The following REEP3 variants were observed in gnomAD, a reference collection of about 807,000 sequenced individuals.
REEP3 encodes the protein receptor accessory protein 3, also known as receptor expression-enhancing protein 3.
A neutral mutation model predicts 41.3 loss-of-function variants in REEP3; 20 were observed. The ratio of observed to expected loss-of-function variants is 0.48; its 90% CI spans 0.34 to 0.70. REEP3 has a LOEUF of 0.70. Among genes scored for constraint, REEP3 ranks in the 30% least tolerant of loss-of-function variants. The pLI, the probability that REEP3 is intolerant of heterozygous loss-of-function variation, is 0.01. For synonymous variants in REEP3, 104 were observed against 101.8 expected (o/e 1.02, Z -0.13); for missense variants, 271 against 308.8 (o/e 0.88, Z 0.92).
intron 1 of REEP3, among the ~76,000 whole-genome samples, chr10:63,532,313 T>C (rs1372792274): frequency 1.3e-5 from 2 of 152,226 alleles, no homozygotes; most frequent in Admixed American, 6.5e-5. Flanking sequence ...TATTCAGATA[T>C]ATTAATACCG....
At position 63,521,434 on chromosome 10, in the gene REEP3, C is replaced by G. The variant is rs1342700540; in HGVS notation, c.-112C>G. 1 of 484,296 alleles carries G rather than the reference C, an allele frequency of 2.1e-6. No individual in the cohort carries two copies. The highest frequency in any genetic ancestry group is 2.9e-6 in the Non-Finnish European group (1 of 347,132). The allele number at this position is 484,296 out of a possible 1,614,324, so 30.0% of individuals were successfully genotyped here. A position where few individuals can be genotyped will look rare whatever the true frequency, so the allele number is the denominator to read the frequency against. The stretch of plus-strand genomic sequence containing the variant: ...GGCCCGGCTCCTGAGGGCGCCAGCG[C>G]GGCCCCGGGGAGCGCGAGGAGCCGG... On this transcript the variant is annotated 5_prime_UTR_variant, in exon 1 of 8. Transcript: ENST00000373758.
rs148225230 is a variant in REEP3 at position 63,557,054 on chromosome 10, A to G, written c.33-9284A>G. 4.0e-3 allele frequency among the ~76,000 whole-genome samples: 605 copies of G among 152,248 alleles called. 1 individual carries two copies. Among genetic ancestry groups the G allele is most frequent in the African/African-American group, 0.011 (460 of 41,558 alleles). On this transcript the variant is annotated intron_variant, in intron 1 of 7. Coordinates refer to ENST00000373758, the MANE Select transcript of REEP3 (RefSeq NM_001001330.3). The stretch of plus-strand genomic sequence containing the variant: ...ATGTATAGTGTTCCATTGTCCTCCC[A>G]ATAAAAACATACTATAGTTTCCCTT...
chr10:63,586,061 T>G (rs2133394042), intron 2 of REEP3, among the ~76,000 whole-genome samples: 1 of 152,354 alleles, frequency 6.6e-6, no homozygotes, highest in East Asian at 1.9e-4. Flanking sequence ...TAACTCTTCA[T>G]TTGGCATTAG....
intron 1 of REEP3, among the ~76,000 whole-genome samples, chr10:63,545,680 G>GTTTTCTTTT (rs1955571207): frequency 1.8e-5 from 1 of 55,412 alleles, no homozygotes; most frequent in Non-Finnish European, 3.2e-5. Flanking sequence ...GCCAACTTCT[G>GTTTTCTTTT]TTTTTTTTTT....
At chr10:63,530,688 T>C (rs1194132248) in intron 1 of REEP3, among the ~76,000 whole-genome samples, 4 of 152,200 alleles carry the variant, frequency 2.6e-5, no homozygotes, top group African/African-American at 9.6e-5. Context: ...GCTATTTCTT[T>C]TTCCACTATA....
chr10:63,556,497 A>T (rs1438213895), intron 1 of REEP3, among the ~76,000 whole-genome samples: 1 of 150,258 alleles, frequency 6.7e-6, no homozygotes, highest in Non-Finnish European at 1.5e-5. Flanking sequence ...ATTTGAGTGA[A>T]CTATTATAAA....
chr10:63,535,372 A>G (rs1253684302), intron 1 of REEP3, among the ~76,000 whole-genome samples: 1 of 152,218 alleles, frequency 6.6e-6, no homozygotes, highest in South Asian at 2.1e-4. Context: ...GAATAAATGT[A>G]TAGTTTATGT....
intron 5 of REEP3, among the ~76,000 whole-genome samples, chr10:63,601,551 A>G (rs773553871): frequency 2.0e-5 from 3 of 152,200 alleles, no homozygotes; most frequent in Non-Finnish European, 4.4e-5. Context: ...GGTGGATGAA[A>G]GGTGCCAGGA....
At chr10:63,544,761 A>T (rs1259690451) in intron 1 of REEP3, among the ~76,000 whole-genome samples, 2 of 152,216 alleles carry the variant, frequency 1.3e-5, no homozygotes, top group Admixed American at 1.3e-4. Flanking sequence ...CATATTACAT[A>T]TATTTTCTAG....
At position 63,620,931 on chromosome 10, in the gene REEP3, C is replaced by T; in HGVS notation, c.*62C>T. 9.8e-7 allele frequency: 1 copy of T among 1,020,574 alleles called. No homozygotes were observed. The highest frequency in any genetic ancestry group is 1.5e-6 in the Non-Finnish European group (1 of 668,576). The allele number at this position is 1,020,574 out of a possible 1,614,324, so 63.2% of individuals were successfully genotyped here. On this transcript the variant is annotated 3_prime_UTR_variant, in exon 8 of 8. Coordinates refer to ENST00000373758, the MANE Select transcript of REEP3 (RefSeq NM_001001330.3). Reference sequence around the variant, plus strand: ...TAAATACATCGACTTCATCTTCTAACATGATATATTCAGGATTTACACATT... The same window carrying T: ...TAAATACATCGACTTCATCTTCTAATATGATATATTCAGGATTTACACATT...
At chr10:63,588,649 A>G (rs1341328308) in intron 2 of REEP3, among the ~76,000 whole-genome samples, 2 of 152,224 alleles carry the variant, frequency 1.3e-5, no homozygotes, top group African/African-American at 4.8e-5. Context: ...TCAAAATAAA[A>G]GTCTTTGTCA....
chr10:63,577,728 C>T (rs186006201), intron 2 of REEP3, among the ~76,000 whole-genome samples: 1 of 152,174 alleles, frequency 6.6e-6, no homozygotes, highest in Admixed American at 6.5e-5. Context: ...AACCACTGCA[C>T]CCAGCCTCTG....
chr10:63,610,846 G>A (rs370071756), intron 6 of REEP3, among the ~76,000 whole-genome samples: 3 of 152,192 alleles, frequency 2.0e-5, no homozygotes, highest in Middle Eastern at 3.4e-3. Context: ...CGAGGTGGGC[G>A]GATCACGAGG....
rs922295470 is a variant in REEP3 at position 63,563,328 on chromosome 10, C to G, written c.33-3010C>G. Among the ~76,000 whole-genome samples, 4 of 152,096 alleles carry G rather than the reference C, an allele frequency of 2.6e-5. No individual in the cohort carries two copies. In the East Asian group the frequency reaches 7.7e-4, roughly 29 times the overall value. On this transcript the variant is annotated intron_variant, in intron 1 of 7. Transcript: ENST00000373758. Reference sequence around the variant, plus strand: ...GAAGGACCTAGAATCAACAACATTCCAGTAGCAATGAGCACACTTAGCTCC... The same window carrying G: ...GAAGGACCTAGAATCAACAACATTCGAGTAGCAATGAGCACACTTAGCTCC...
At chr10:63,588,838 C>G (rs1026293053) in intron 2 of REEP3, among the ~76,000 whole-genome samples, 1 of 152,144 alleles carries the variant, frequency 6.6e-6, no homozygotes, top group African/African-American at 2.4e-5. Flanking sequence ...AGGAGATATT[C>G]GAACACAGAC....
Position 63,616,070 on chromosome 10 carries a change from A to G in REEP3, c.566-3585A>G, listed in dbSNP as rs1345923456. 5.3e-5 allele frequency among the ~76,000 whole-genome samples: 8 copies of G among 152,124 alleles called. No individual in the cohort carries two copies. The South Asian group carries it at 6.2e-4, about 12-fold the overall frequency. ...TTACTCTTCTGCTTAAAACATTTCA[A>G]TACTCTCCCCGAGCCTCCAGAGGCT... is the stretch of plus-strand genomic sequence containing the variant. On this transcript the variant is annotated intron_variant, in intron 6 of 7. Coordinates refer to ENST00000373758, the MANE Select transcript of REEP3 (RefSeq NM_001001330.3).
chr10:63,612,231 G>C (rs1362636151), intron 6 of REEP3, among the ~76,000 whole-genome samples: 1 of 152,030 alleles, frequency 6.6e-6, no homozygotes, highest in Non-Finnish European at 1.5e-5. Flanking sequence ...CTGGAGTGCG[G>C]TGGTACGATC....
chr10:63,612,545 C>T (rs1405060176), intron 6 of REEP3, among the ~76,000 whole-genome samples: 2 of 152,156 alleles, frequency 1.3e-5, no homozygotes, highest in Non-Finnish European at 2.9e-5. Flanking sequence ...AATCCCAGAA[C>T]TTTGGGAGGC....
intron 6 of REEP3, among the ~76,000 whole-genome samples, chr10:63,617,509 C>A (rs928531903): frequency 2.0e-5 from 3 of 152,170 alleles, no homozygotes; most frequent in Non-Finnish European, 4.4e-5. Context: ...AGGTGATCCT[C>A]CTACCTCAGC....
Sources: allele counts gnomAD v4.1 joint callset (sites outside exome capture counted in the v4.1 genomes callset), GRCh38; gene constraint gnomAD v4.1.1; transcripts MANE v1.5; gene names NCBI Gene and HGNC (gene_info 2026-07-23, HGNC 2026-07-21).